PDS5B: variants seen among roughly 807,000 people sequenced by gnomAD.
The protein encoded by PDS5B is PDS5 cohesin associated factor B.
In PDS5B, 51 loss-of-function variants were observed where a neutral mutation model predicts 184.1. The observed-to-expected ratio is 0.28, with a 90% confidence interval of 0.22 to 0.35. The LOEUF (loss-of-function observed/expected upper bound fraction) is 0.35, where lower values mean the gene tolerates loss of function less well. Ranked by LOEUF, PDS5B falls within the 10% of genes least tolerant of loss-of-function variation. The pLI, the probability that PDS5B is intolerant of heterozygous loss-of-function variation, is 1.00. For synonymous variants in PDS5B, 566 were observed against 569.2 expected, an observed-to-expected ratio of 0.99 and a Z score of 0.08; for missense variants, 1,180 against 1,723.3, an observed-to-expected ratio of 0.68 and a Z score of 5.58.
At chr13:32,687,749 T>G (rs1047205919) in intron 12 of PDS5B, among the ~76,000 whole-genome samples, 1 of 152,214 alleles carries the variant, frequency 6.6e-6, no homozygotes. Flanking sequence ...CAGGCTAAGA[T>G]TAGATCTTGT....
At chr13:32,639,904 T>G (rs973565694) in intron 1 of PDS5B, among the ~76,000 whole-genome samples, 2 of 152,254 alleles carry the variant, frequency 1.3e-5, no homozygotes, top group Non-Finnish European at 2.9e-5. Context: ...TGACTGTGAA[T>G]TTTTAAGAAA....
chr13:32,609,405 G>A (rs2140504702), intron 1 of PDS5B, among the ~76,000 whole-genome samples: 1 of 152,188 alleles, frequency 6.6e-6, no homozygotes, highest in South Asian at 2.1e-4. Flanking sequence ...TCTGCATCAA[G>A]TTATGTGCTT....
chr13:32,634,771 T>TG (rs2058513336), intron 1 of PDS5B, among the ~76,000 whole-genome samples: 1 of 151,978 alleles, frequency 6.6e-6, no homozygotes, highest in African/African-American at 2.4e-5. Context: ...TTAGTAGAGA[T>TG]GGAGTTTCAC....
chr13:32,755,811 T>G (rs957142378), intron 25 of PDS5B, 31 bp from the exon 26 acceptor site: 3 of 1,077,336 alleles, frequency 2.8e-6, no homozygotes, highest in Admixed American at 2.4e-5. Flanking sequence ...CTTTTGTTTT[T>G]TTTTGTTTGT....
intron 6 of PDS5B, among the ~76,000 whole-genome samples, chr13:32,661,299 G>C (rs1182230134): frequency 1.4e-5 from 2 of 141,384 alleles, no homozygotes; most frequent in Admixed American, 1.5e-4. Context: ...CAGGAGAATT[G>C]CTTGAACCTG....
At chr13:32,643,266 A>C (rs1950143339) in intron 1 of PDS5B, among the ~76,000 whole-genome samples, 1 of 152,110 alleles carries the variant, frequency 6.6e-6, no homozygotes, top group Admixed American at 6.5e-5. Flanking sequence ...GGTTGAAGGA[A>C]TGTAACTATG....
intron 23 of PDS5B, among the ~76,000 whole-genome samples, chr13:32,744,311 C>A (rs1387690098): frequency 1.3e-5 from 2 of 151,964 alleles, no homozygotes; most frequent in African/African-American, 4.8e-5. Context: ...TTTTGTGGAA[C>A]CCATATGACA....
At chr13:32,725,983 A>T (rs1952886820) in intron 19 of PDS5B, among the ~76,000 whole-genome samples, 1 of 151,992 alleles carries the variant, frequency 6.6e-6, no homozygotes, top group South Asian at 2.1e-4. Context: ...ACCCTTGTTC[A>T]TTTGTTTCAT....
chr13:32,635,168 ACGTTTTTTTTTTTTTT>A (rs1566267332), intron 1 of PDS5B, among the ~76,000 whole-genome samples: 2 of 87,574 alleles, frequency 2.3e-5, no homozygotes, highest in African/African-American at 8.4e-5. Context: ...CCAGCCAATT[ACGTTTTTTTTTTTTTT>A]TTTTTTTTTT....
At chr13:32,587,985 G>A (rs2057716863) in intron 1 of PDS5B, among the ~76,000 whole-genome samples, 1 of 152,206 alleles carries the variant, frequency 6.6e-6, no homozygotes, top group Admixed American at 6.5e-5. Flanking sequence ...ATTACCCAAT[G>A]CTTGAACGGC....
chr13:32,710,895 A>G (rs1952183283), intron 19 of PDS5B, among the ~76,000 whole-genome samples: 1 of 152,174 alleles, frequency 6.6e-6, no homozygotes, highest in South Asian at 2.1e-4. Flanking sequence ...TCGCAATTAG[A>G]GTTTCAGGTA....
At chr13:32,743,024 T>G (rs779215290) in intron 23 of PDS5B, among the ~76,000 whole-genome samples, 43 of 151,582 alleles carry the variant, frequency 2.8e-4, no homozygotes, top group Non-Finnish European at 5.7e-4. Flanking sequence ...TTTACATTCT[T>G]GTTAAATATG....
intron 6 of PDS5B, among the ~76,000 whole-genome samples, chr13:32,661,792 C>A (rs1199262118): frequency 3.3e-5 from 5 of 152,000 alleles, no homozygotes; most frequent in African/African-American, 1.2e-4. Context: ...AAGGCATGGC[C>A]CTTACCAAGG....
chr13:32,660,105 C>T (rs997062922), intron 6 of PDS5B, among the ~76,000 whole-genome samples: 12 of 151,794 alleles, frequency 7.9e-5, no homozygotes, highest in African/African-American at 2.9e-4. Flanking sequence ...TAGTCAGCTG[C>T]CATCTTGCTC....
At chr13:32,699,937 A>T in intron 16 of PDS5B, 68 bp downstream of exon 16, 2 of 1,390,198 alleles carry the variant, frequency 1.4e-6, no homozygotes, top group Non-Finnish European at 1.9e-6. Context: ...TCTCTTTTAT[A>T]AAAGTAATTT....
At chr13:32,632,920 G>A (rs1252980917) in intron 1 of PDS5B, among the ~76,000 whole-genome samples, 1 of 152,008 alleles carries the variant, frequency 6.6e-6, no homozygotes, top group African/African-American at 2.4e-5. Flanking sequence ...TGCCCAACAT[G>A]GTGAAACCCC....
intron 17 of PDS5B, among the ~76,000 whole-genome samples, chr13:32,705,297 T>C (rs1487473000): frequency 6.6e-6 from 1 of 152,182 alleles, no homozygotes; most frequent in Non-Finnish European, 1.5e-5. Context: ...GGTTAAAAAA[T>C]CTTGGGGCTA....
Position 32,758,150 on chromosome 13 carries a change from C to A in PDS5B, c.3120C>A (p.Ile1040=). 6.5e-7 allele frequency: 1 copy of A among 1,537,294 alleles called. No homozygotes were observed. Among genetic ancestry groups the A allele is most frequent in the Non-Finnish European group, 8.9e-7 (1 of 1,127,662 alleles). ...ATGAAAATAACAGTCACGCTTTTAT[C>A]AGAAAGATGGTAGAAAATATTAAAC... is the stretch of plus-strand genomic sequence containing the variant. The part of the protein sequence containing the change: ...AKNENNSHAF[I]RKMVENIKQT... Residue 1040 remains isoleucine, a synonymous_variant, in exon 27 of 35, where the codon ATC becomes ATA. Coordinates refer to ENST00000315596, the MANE Select transcript of PDS5B (RefSeq NM_015032.4).
At chr13:32,750,558 C>G (rs9568337) in intron 24 of PDS5B, among the ~76,000 whole-genome samples, 19,607 of 151,858 alleles carry the variant, frequency 0.13, 1,819 homozygotes, top group East Asian at 0.41. Flanking sequence ...CCTCCTCCCC[C>G]CAAAATGGAG....
Sources: allele counts gnomAD v4.1 joint callset (sites outside exome capture counted in the v4.1 genomes callset), GRCh38; gene constraint gnomAD v4.1.1; transcripts MANE v1.5; gene names NCBI Gene and HGNC (gene_info 2026-07-23, HGNC 2026-07-21).